TSHZ2: variants seen among roughly 807,000 people sequenced by gnomAD.
TSHZ2 encodes teashirt homolog 2.
TSHZ2 carries 21 observed loss-of-function variants against 74.4 expected under a neutral mutation model. The observed-to-expected ratio is 0.28, with a 90% CI of 0.20 to 0.41. The LOEUF is 0.41. Ranked by LOEUF, TSHZ2 falls within the 10% of genes least tolerant of loss-of-function variation. TSHZ2 has a pLI of 1.00. For missense variants in TSHZ2, 1,244 were observed against 1,293.5 expected, an observed-to-expected ratio of 0.96 and a Z score of 0.59; for synonymous variants, 540 against 515.3, an observed-to-expected ratio of 1.05 and a Z score of -0.65.
intron 2 of TSHZ2, among the ~76,000 whole-genome samples, chr20:53,467,223 G>C (rs989419592): frequency 2.9e-4 from 44 of 152,112 alleles, no homozygotes; most frequent in African/African-American, 1.0e-3. Context: ...TATAAAAAGG[G>C]AAAAATTTTC....
intron 1 of TSHZ2, among the ~76,000 whole-genome samples, chr20:53,049,640 C>T (rs1019005154): frequency 2.6e-5 from 4 of 151,968 alleles, no homozygotes; most frequent in African/African-American, 9.7e-5. Context: ...TGGGATTGTA[C>T]ACTGAAACTG....
chr20:53,377,839 G>A (rs1019522961), intron 2 of TSHZ2, among the ~76,000 whole-genome samples: 20 of 152,120 alleles, frequency 1.3e-4, no homozygotes, highest in South Asian at 4.1e-4. Flanking sequence ...CTCCAGCCTG[G>A]GTGACAGAGT....
chr20:53,178,230 C>G (rs1988390732), intron 1 of TSHZ2: 1 of 152,276 alleles, frequency 6.6e-6, no homozygotes, highest in Non-Finnish European at 1.5e-5. Flanking sequence ...GAACTTCTGC[C>G]ATGACACTCG....
chr20:53,261,877 A>C (rs1990607028), intron 2 of TSHZ2, among the ~76,000 whole-genome samples: 1 of 152,190 alleles, frequency 6.6e-6, no homozygotes, highest in South Asian at 2.1e-4. Context: ...GTAATTCTTC[A>C]GCTAAATTAA....
chr20:52,977,048 C>G (rs564621136), intron 1 of TSHZ2, among the ~76,000 whole-genome samples: 1 of 152,136 alleles, frequency 6.6e-6, no homozygotes, highest in Non-Finnish European at 1.5e-5. Flanking sequence ...CTTAATAACA[C>G]AGGTTATTTA....
chr20:53,113,966 A>T (rs1306225138), intron 1 of TSHZ2, among the ~76,000 whole-genome samples: 2 of 151,942 alleles, frequency 1.3e-5, no homozygotes, highest in Non-Finnish European at 2.9e-5. Flanking sequence ...GGTGGCACAT[A>T]CCTTATAATC....
rs182924553 is a variant in TSHZ2 at position 53,365,558 on chromosome 20, G to A, written c.*8+108987G>A. ...ATACCTTAGGACATGGTTAGATGCC[G>A]TTTACGCTAAGAGGTGACCAGCTAG... On this transcript the variant is annotated intron_variant, in intron 2 of 2. Coordinates refer to ENST00000371497, the MANE Select transcript of TSHZ2 (RefSeq NM_173485.6). Among the ~76,000 whole-genome samples, 846 of 152,288 alleles carry A rather than the reference G, an allele frequency of 5.6e-3. 7 individuals are homozygous for A. The highest frequency in any genetic ancestry group is 0.01 in the Middle Eastern group (3 of 294).
intron 2 of TSHZ2, among the ~76,000 whole-genome samples, chr20:53,463,944 G>A (rs922909595): frequency 6.6e-6 from 1 of 152,224 alleles, no homozygotes; most frequent in African/African-American, 2.4e-5. Context: ...CCGAAGTGCT[G>A]AATAGCAGGT....
At chr20:53,248,518 A>G (rs1338780761) in intron 1 of TSHZ2, among the ~76,000 whole-genome samples, 1 of 152,226 alleles carries the variant, frequency 6.6e-6, no homozygotes, top group Non-Finnish European at 1.5e-5. Flanking sequence ...CCTTTTTTAA[A>G]TGAAGAATTC....
At chr20:53,437,467 C>T (rs747069198) in intron 2 of TSHZ2, among the ~76,000 whole-genome samples, 11 of 151,538 alleles carry the variant, frequency 7.3e-5, no homozygotes, top group Non-Finnish European at 1.3e-4. Context: ...AGCAAGACTC[C>T]ATCTAAAAGG....
intron 2 of TSHZ2, among the ~76,000 whole-genome samples, chr20:53,324,193 G>A (rs551120307): frequency 1.3e-5 from 2 of 152,170 alleles, no homozygotes; most frequent in African/African-American, 2.4e-5. Context: ...CGGGATGCTC[G>A]GGTCCTAAGA....
At chr20:53,122,371 CA>C (rs1387476407) in intron 1 of TSHZ2, among the ~76,000 whole-genome samples, 1 of 151,502 alleles carries the variant, frequency 6.6e-6, no homozygotes, top group Non-Finnish European at 1.5e-5. Context: ...TTGTCATCAA[CA>C]TCATCAGCAG....
chr20:53,012,807 T>C (rs1982902779), intron 1 of TSHZ2, among the ~76,000 whole-genome samples: 1 of 152,160 alleles, frequency 6.6e-6, no homozygotes, highest in South Asian at 2.1e-4. Context: ...CCTTCCCGGC[T>C]TCTCTCTCTG....
chr20:52,989,884 G>A lies in TSHZ2; in HGVS notation c.40+16551G>A, dbSNP rs1356444105. ...TTCCTTTTTTTTTAACTTTATGTTT[G>A]GACTCTAACCAAGTAAATAGATAGG... On this transcript the variant is annotated intron_variant, in intron 1 of 2. Transcript: ENST00000371497. 2.0e-5 allele frequency among the ~76,000 whole-genome samples: 3 copies of A among 149,650 alleles called. No homozygotes were observed. The East Asian group carries it at 5.8e-4, about 29-fold the overall frequency.
chr20:52,990,599 T>TA (rs1231617524), intron 1 of TSHZ2, among the ~76,000 whole-genome samples: 1 of 152,182 alleles, frequency 6.6e-6, no homozygotes, highest in Non-Finnish European at 1.5e-5. Flanking sequence ...CCTGGAGTGT[T>TA]ACAGGTGTGT....
chr20:53,048,311 A>G (rs10854191), intron 1 of TSHZ2, among the ~76,000 whole-genome samples: 35,965 of 150,430 alleles, frequency 0.24, 7,388 homozygotes, highest in African/African-American at 0.57. Flanking sequence ...GAAGGGGAGG[A>G]GAGAGAGAGA....
intron 2 of TSHZ2, among the ~76,000 whole-genome samples, chr20:53,284,159 G>C (rs1991118859): frequency 6.6e-6 from 1 of 152,162 alleles, no homozygotes; most frequent in Non-Finnish European, 1.5e-5. Context: ...GTGTAGCTTG[G>C]GCTTGTTGAG....
At chr20:53,037,368 A>T (rs147202545) in intron 1 of TSHZ2, among the ~76,000 whole-genome samples, 1 of 152,356 alleles carries the variant, frequency 6.6e-6, no homozygotes, top group South Asian at 2.1e-4. Flanking sequence ...TTAGTATTTC[A>T]AAGTTCTCTT....
chr20:52,988,431 C>T (rs548106914), intron 1 of TSHZ2, among the ~76,000 whole-genome samples: 3 of 152,316 alleles, frequency 2.0e-5, no homozygotes, highest in Admixed American at 2.0e-4. Flanking sequence ...AGAGTCCAAG[C>T]TCTCAGACAC....
Sources: gnomAD v4.1 joint callset for allele counts (sites outside exome capture counted in the v4.1 genomes callset) on GRCh38, gnomAD v4.1.1 for gene constraint, MANE v1.5 for transcripts, NCBI Gene and HGNC (gene_info 2026-07-23, HGNC 2026-07-21) for gene names.